The following IGF1R variants were observed in gnomAD, a reference collection of about 807,000 sequenced individuals.
IGF1R encodes the protein insulin like growth factor 1 receptor.
IGF1R carries 44 observed loss-of-function variants against 144.6 expected under a neutral mutation model. That is an observed-to-expected ratio of 0.30 (90% CI 0.24 to 0.39). The LOEUF is 0.39. Among genes scored for constraint, IGF1R ranks in the 10% least tolerant of loss-of-function variants. The pLI is 1.00. For synonymous variants in IGF1R, 795 were observed against 722.8 expected, an observed-to-expected ratio of 1.10 and a Z score of -1.60; for missense variants, 1,355 against 1,833.7, an observed-to-expected ratio of 0.74 and a Z score of 4.77.
intron 2 of IGF1R, among the ~76,000 whole-genome samples, chr15:98,778,378 G>T (rs1304406917): frequency 6.6e-6 from 1 of 152,150 alleles, no homozygotes; most frequent in Non-Finnish European, 1.5e-5. Flanking sequence ...ACTAAGCTGT[G>T]GGCTTGGGTT....
intron 10 of IGF1R, among the ~76,000 whole-genome samples, chr15:98,920,718 C>A (rs1214725145): frequency 6.6e-6 from 1 of 152,152 alleles, no homozygotes; most frequent in Non-Finnish European, 1.5e-5. Flanking sequence ...CACGCCCTGA[C>A]CTTGTGGTTT....
intron 1 of IGF1R, among the ~76,000 whole-genome samples, chr15:98,683,655 A>C (rs1424593548): frequency 6.6e-6 from 1 of 152,256 alleles, no homozygotes; most frequent in African/African-American, 2.4e-5. Context: ...CCTCTTATAT[A>C]AGTGCATCTG....
intron 2 of IGF1R, among the ~76,000 whole-genome samples, chr15:98,838,277 C>A (rs2011121355): frequency 6.6e-6 from 1 of 152,088 alleles, no homozygotes; most frequent in African/African-American, 2.4e-5. Flanking sequence ...GGGATGGTGG[C>A]CAAACTATGT....
intron 2 of IGF1R, among the ~76,000 whole-genome samples, chr15:98,713,287 G>C (rs555309505): frequency 5.8e-4 from 88 of 152,282 alleles, no homozygotes; most frequent in Non-Finnish European, 1.0e-4. Context: ...CACTGCATCT[G>C]CTTAGTGAAG....
At chr15:98,809,873 A>G (rs1161444949) in intron 2 of IGF1R, among the ~76,000 whole-genome samples, 3 of 152,076 alleles carry the variant, frequency 2.0e-5, no homozygotes, top group Non-Finnish European at 4.4e-5. Flanking sequence ...CTGATGATAG[A>G]ATGAAAGCCC....
chr15:98,733,045 G>A (rs1340596128), intron 2 of IGF1R, among the ~76,000 whole-genome samples: 2 of 152,172 alleles, frequency 1.3e-5, no homozygotes, highest in Non-Finnish European at 2.9e-5. Flanking sequence ...ATTCTATAAG[G>A]AGTAGCTGCT....
chr15:98,810,946 T>C lies in IGF1R; in HGVS notation c.641-80379T>C, dbSNP rs566875991. Among the ~76,000 whole-genome samples, 7 of 152,280 alleles carry C rather than the reference T, an allele frequency of 4.6e-5. No homozygotes were observed. In the South Asian group the frequency reaches 6.2e-4, roughly 14 times the overall value. On this transcript the variant is annotated intron_variant, in intron 2 of 20. Coordinates refer to ENST00000650285, the MANE Select transcript of IGF1R (RefSeq NM_000875.5). ...ACCTGTTGTTGCACATAAAGTTTCA[T>C]TGAGTCACAGTCATACTCATTTGCT...
intron 2 of IGF1R, among the ~76,000 whole-genome samples, chr15:98,825,573 A>C (rs1055711058): frequency 6.6e-5 from 10 of 152,312 alleles, no homozygotes; most frequent in Admixed American, 5.2e-4. Context: ...ACATGCAGGG[A>C]ATCTCAGTAA....
At chr15:98,805,744 C>A (rs1369185856) in intron 2 of IGF1R, among the ~76,000 whole-genome samples, 1 of 152,192 alleles carries the variant, frequency 6.6e-6, no homozygotes, top group Non-Finnish European at 1.5e-5. Flanking sequence ...TAAGTCCTTG[C>A]CATAAATTAT....
chr15:98,960,466 C>G lies in IGF1R; in HGVS notation c.*3024C>G, dbSNP rs1289666516. The G allele has an allele frequency of 1.3e-5, 3 of 233,116 alleles. No individual in the cohort carries two copies. The East Asian group carries it at 1.8e-4, about 14-fold the overall frequency. 14.4% of individuals were successfully genotyped at this position (233,116 alleles called of 1,614,324 possible). A position where few individuals can be genotyped will look rare whatever the true frequency, so the allele number is the denominator to read the frequency against. On this transcript the variant is annotated 3_prime_UTR_variant, in exon 21 of 21. Coordinates refer to ENST00000650285, the MANE Select transcript of IGF1R (RefSeq NM_000875.5). ...ACTGCTTCTGTGCAGATGGAATGAC[C>G]AACACATTTCGTCCTTAAGAGAGCA...
At chr15:98,790,555 C>G (rs546543091) in intron 2 of IGF1R, among the ~76,000 whole-genome samples, 3 of 152,232 alleles carry the variant, frequency 2.0e-5, no homozygotes, top group African/African-American at 7.2e-5. Flanking sequence ...TTTGTAGCCT[C>G]TGGGCGTGTT....
intron 2 of IGF1R, among the ~76,000 whole-genome samples, chr15:98,756,019 A>G (rs559659162): frequency 6.6e-6 from 1 of 152,188 alleles, no homozygotes; most frequent in South Asian, 2.1e-4. Context: ...AATAAGCCCT[A>G]ATTTGTTATG....
In IGF1R at chr15:98,961,597, T is replaced by C. The variant is rs941858905; in HGVS notation, c.*4155T>C. On this transcript the variant is annotated 3_prime_UTR_variant, in exon 21 of 21. Coordinates refer to ENST00000650285, the MANE Select transcript of IGF1R (RefSeq NM_000875.5). ...TGTGGCATTTTCCATGCAACCTCCT[T>C]CTGCCAGCAGCTCACACTGCTTGAA... 5.6e-5 allele frequency: 13 copies of C among 233,716 alleles called. No homozygotes were observed. Among genetic ancestry groups the C allele is most frequent in the Admixed American group, 4.5e-4 (8 of 17,806 alleles). The allele number at this position is 233,716 out of a possible 1,614,324, so 14.5% of individuals were successfully genotyped here. A position where few individuals can be genotyped will look rare whatever the true frequency, so the allele number is the denominator to read the frequency against.
rs2017291855 is a variant in IGF1R at position 98,963,164 on chromosome 15, T to TTCGGC, written c.*5722_*5723insTCGGC. On this transcript the variant is annotated 3_prime_UTR_variant, in exon 21 of 21. Transcript: ENST00000650285. ...TAGTTTATAATTGCCGAAAATAATT[T>TTCGGC]AAAGACACTTTTTTTTTCTCTGTGT... is the stretch of plus-strand genomic sequence containing the variant. 8.6e-6 allele frequency: 2 copies of TTCGGC among 232,648 alleles called. No homozygotes were observed. Among genetic ancestry groups the TTCGGC allele is most frequent in the Non-Finnish European group, 1.7e-5 (2 of 118,010 alleles). 14.4% of individuals were successfully genotyped at this position (232,648 alleles called of 1,614,324 possible). A position where few individuals can be genotyped will look rare whatever the true frequency, so the allele number is the denominator to read the frequency against.
At chr15:98,755,944 A>G (rs2055144836) in intron 2 of IGF1R, among the ~76,000 whole-genome samples, 1 of 152,098 alleles carries the variant, frequency 6.6e-6, no homozygotes, top group Non-Finnish European at 1.5e-5. Context: ...TTTTGCTTTT[A>G]TTTGGTGGTG....
chr15:98,859,839 G>C (rs1168293681), intron 2 of IGF1R, among the ~76,000 whole-genome samples: 1 of 152,168 alleles, frequency 6.6e-6, no homozygotes, highest in Non-Finnish European at 1.5e-5. Flanking sequence ...GGTTCTGTTG[G>C]TCTTCTGTAC....
intron 2 of IGF1R, among the ~76,000 whole-genome samples, chr15:98,825,242 T>C (rs1407659872): frequency 6.6e-6 from 1 of 152,210 alleles, no homozygotes; most frequent in African/African-American, 2.4e-5. Flanking sequence ...CAGTTTTCCC[T>C]GAGAAAACTG....
At chr15:98,834,353 A>T (rs2141511175) in intron 2 of IGF1R, among the ~76,000 whole-genome samples, 1 of 152,376 alleles carries the variant, frequency 6.6e-6, no homozygotes, top group East Asian at 1.9e-4. Context: ...GTTTACAGGG[A>T]AAATGCTCTT....
At chr15:98,830,725 T>A (rs545890918) in intron 2 of IGF1R, among the ~76,000 whole-genome samples, 1 of 151,902 alleles carries the variant, frequency 6.6e-6, no homozygotes, top group South Asian at 2.1e-4. Context: ...TGCGTCAGCC[T>A]CCCAAGTAGC....
Sources: gnomAD v4.1 joint callset for allele counts (sites outside exome capture counted in the v4.1 genomes callset) on GRCh38, gnomAD v4.1.1 for gene constraint, MANE v1.5 for transcripts, NCBI Gene and HGNC (gene_info 2026-07-23, HGNC 2026-07-21) for gene names.